The following CSMD2 variants were observed in gnomAD, a reference collection of about 807,000 sequenced individuals.
The protein encoded by CSMD2 is CUB and sushi domain-containing protein 2.
A neutral mutation model predicts 398.5 loss-of-function variants in CSMD2; 130 were observed. That is an observed-to-expected ratio of 0.33 (90% CI 0.28 to 0.38). CSMD2 has a LOEUF of 0.38. Among genes scored for constraint, CSMD2 ranks in the 10% least tolerant of loss-of-function variants. The pLI is 1.00. For missense variants in CSMD2, 3,829 were observed against 4,764.9 expected, an observed-to-expected ratio of 0.80 and a Z score of 5.78; for synonymous variants, 1,828 against 1,908.5, an observed-to-expected ratio of 0.96 and a Z score of 1.10.
Position 33,527,222 on chromosome 1 carries a change from C to A in CSMD2, c.10208G>T (p.Arg3403Leu), listed in dbSNP as rs370729424. ...RPSGRPINTA[R>L]EPPLTQALIP... ...CAAGGCTTGGGTGAGCGGTGGCTCCCGGGCAGTGTTGATGGGTCTCCCACT... is the reference window on the plus strand; with the variant it reads ...CAAGGCTTGGGTGAGCGGTGGCTCCAGGGCAGTGTTGATGGGTCTCCCACT... Residue 3403 changes from arginine to leucine, a missense_variant, in exon 65 of 71, where the codon CGG (arginine) becomes CTG (leucine). Coordinates refer to ENST00000373381, the MANE Select transcript of CSMD2 (RefSeq NM_001281956.2). 2.5e-5 allele frequency: 40 copies of A among 1,613,940 alleles called. No individual in the cohort carries two copies. The highest frequency in any genetic ancestry group is 3.3e-5 in the Non-Finnish European group (39 of 1,179,990).
intron 3 of CSMD2, among the ~76,000 whole-genome samples, chr1:34,022,400 T>C (rs913934364): frequency 7.9e-5 from 12 of 152,220 alleles, no homozygotes; most frequent in African/African-American, 2.7e-4. Context: ...CTGGACGAGT[T>C]GGGAGTCAAG....
chr1:33,586,466 C>T (rs777107525), intron 46 of CSMD2, 38 bp downstream of exon 46: 1 of 1,374,450 alleles, frequency 7.3e-7, no homozygotes, highest in Admixed American at 1.7e-5. Flanking sequence ...TCAGGAGGAA[C>T]TTCTAGGCCC....
chr1:34,159,059 C>T (rs746707110), intron 1 of CSMD2, among the ~76,000 whole-genome samples: 2 of 152,178 alleles, frequency 1.3e-5, no homozygotes, highest in Non-Finnish European at 2.9e-5. Context: ...GAGCCCTGGG[C>T]TCCAAACAAC....
rs551982548 is a variant in CSMD2 at position 34,044,230 on chromosome 1, T to C, written c.405-11524A>G. Reference sequence around the variant, plus strand: ...CAAAACTAGGTTATTTTTCAAAGCATGTTTCTAGAATGTTCACCGGTTAAA... The same window carrying C: ...CAAAACTAGGTTATTTTTCAAAGCACGTTTCTAGAATGTTCACCGGTTAAA... On this transcript the variant is annotated intron_variant, in intron 2 of 70. Coordinates refer to ENST00000373381, the MANE Select transcript of CSMD2 (RefSeq NM_001281956.2). Among the ~76,000 whole-genome samples, 12 of 152,332 alleles carry C rather than the reference T, an allele frequency of 7.9e-5. No individual in the cohort carries two copies. The East Asian group carries it at 2.3e-3, about 29-fold the overall frequency.
At chr1:33,711,998 C>A (rs1483972136) in intron 21 of CSMD2, among the ~76,000 whole-genome samples, 1 of 152,178 alleles carries the variant, frequency 6.6e-6, no homozygotes, top group Admixed American at 6.5e-5. Flanking sequence ...AACAGATGAA[C>A]TTAGAAGCCA....
At chr1:33,984,888 A>AGGC (rs1558201880) in intron 3 of CSMD2, among the ~76,000 whole-genome samples, 1 of 150,418 alleles carries the variant, frequency 6.6e-6, no homozygotes, top group African/African-American at 2.5e-5. Flanking sequence ...GGCAGGCAGG[A>AGGC]AGGAAGGAAG....
chr1:33,996,252 C>T (rs1393546428), intron 3 of CSMD2, among the ~76,000 whole-genome samples: 1 of 152,168 alleles, frequency 6.6e-6, no homozygotes, highest in African/African-American at 2.4e-5. Flanking sequence ...TTCCTTCTGC[C>T]CCAATCCTGG....
chr1:33,541,205 T>C lies in CSMD2; in HGVS notation c.9382A>G (p.Met3128Val). ...AGCACAGATACTCTATGTGACTCCA[T>C]CATATAGCCAGGGACACACTGATAT... ...VTYQCVPGYM[M>V]ESHRVSVLSC... The change falls in exon 59 of 71, where the codon ATG becomes GTG. Residue 3128 changes from methionine to valine, a missense_variant. Around this residue, in one of 5 missense-constraint regions of CSMD2, gnomAD observed 917 missense variants for 1,199.5 expected, o/e 0.76. Coordinates refer to ENST00000373381, the MANE Select transcript of CSMD2 (RefSeq NM_001281956.2). The C allele has an allele frequency of 6.2e-7, 1 of 1,614,112 alleles. No homozygotes were observed. Among genetic ancestry groups the C allele is most frequent in the South Asian group, 1.1e-5 (1 of 91,078 alleles).
chr1:33,704,005 A>C (rs1431013123), intron 22 of CSMD2, among the ~76,000 whole-genome samples: 1 of 152,164 alleles, frequency 6.6e-6, no homozygotes, highest in Non-Finnish European at 1.5e-5. Context: ...CCCTCTGTGC[A>C]TCCATGAGAA....
intron 3 of CSMD2, among the ~76,000 whole-genome samples, chr1:33,982,942 C>T (rs912933813): frequency 6.6e-6 from 1 of 152,054 alleles, no homozygotes; most frequent in Non-Finnish European, 1.5e-5. Context: ...GGGCTAGGAG[C>T]CCAAGAAGGA....
At chr1:33,984,551 G>A (rs1646283750) in intron 3 of CSMD2, among the ~76,000 whole-genome samples, 1 of 152,118 alleles carries the variant, frequency 6.6e-6, no homozygotes, top group South Asian at 2.1e-4. Flanking sequence ...TGCGCTTTGG[G>A]AGGTGGAGGA....
At chr1:33,664,184 A>T (rs532377) in intron 25 of CSMD2, among the ~76,000 whole-genome samples, 135,157 of 152,244 alleles carry the variant, frequency 0.89, 60,290 homozygotes, top group Admixed American at 0.92. Context: ...TCTTTCACAC[A>T]GCCAACCTGT....
rs755430034 is a variant in CSMD2, at chr1:33,657,979, A to T, written c.4414T>A (p.Phe1472Ile). ...GTTGGCGGGCTGGGCTGCCAGAAGA[A>T]CCTGTTCTCGATCTTCACACAGCTG... ...EISCVKIENRFFWQPSPPTCI... is the reference protein window; with the variant it reads ...EISCVKIENRIFWQPSPPTCI... Residue 1472 changes from phenylalanine to isoleucine, a missense_variant, in exon 27 of 71, where the codon TTC becomes ATC. Phe to Ile is a conservative substitution (Grantham distance 21). Around this residue, in one of 5 missense-constraint regions of CSMD2, gnomAD observed 2,001 missense variants for 2,567.1 expected, o/e 0.78. Transcript: ENST00000373381. The T allele has an allele frequency of 1.9e-6, 3 of 1,613,874 alleles. No individual in the cohort carries two copies. The South Asian group carries it at 3.3e-5, about 18-fold the overall frequency.
intron 10 of CSMD2, among the ~76,000 whole-genome samples, chr1:33,806,054 A>G (rs1048397464): frequency 6.6e-6 from 1 of 152,120 alleles, no homozygotes; most frequent in African/African-American, 2.4e-5. Context: ...CTTTTCAGCA[A>G]CTCATAGAAA....
intron 2 of CSMD2, among the ~76,000 whole-genome samples, chr1:34,043,684 A>G (rs1435768773): frequency 6.6e-6 from 1 of 152,180 alleles, no homozygotes; most frequent in East Asian, 1.9e-4. Context: ...TACAAGTATA[A>G]TCCCTGTCTG....
intron 2 of CSMD2, among the ~76,000 whole-genome samples, chr1:34,042,816 C>A (rs1558291896): frequency 6.6e-6 from 1 of 152,140 alleles, no homozygotes; most frequent in Non-Finnish European, 1.5e-5. Context: ...GAGAAGGAGT[C>A]TCGCTCTGTG....
At position 33,615,702 on chromosome 1, in the gene CSMD2, T is replaced by C. The variant is rs1641340335; in HGVS notation, c.6017-1082A>G. 2.6e-5 allele frequency among the ~76,000 whole-genome samples: 4 copies of C among 152,242 alleles called. No individual in the cohort carries two copies. In the South Asian group the frequency reaches 8.3e-4, roughly 32 times the overall value. On this transcript the variant is annotated intron_variant, in intron 39 of 70. Transcript: ENST00000373381. ...CTAATGAACAGCAGCTGCCGTTAAA[T>C]GAATGGTTTCCATAGCAAGGTCTTT...
In CSMD2 at chr1:34,146,811, G is replaced by C. The variant is rs572251040; in HGVS notation, c.187+18100C>G. On this transcript the variant is annotated intron_variant, in intron 1 of 70. Transcript: ENST00000373381. ...GAGTAAAGTTTCTGGGGGTGGGAGAGAGTCATATAGGTGACAGCAGGAATG... is the reference window on the plus strand; with the variant it reads ...GAGTAAAGTTTCTGGGGGTGGGAGACAGTCATATAGGTGACAGCAGGAATG... Among the ~76,000 whole-genome samples the C allele has an allele frequency of 7.9e-5, 12 of 152,218 alleles. No homozygotes were observed. The East Asian group carries it at 2.1e-3, about 27-fold the overall frequency.
chr1:33,560,452 C>T (rs529751075), intron 53 of CSMD2, among the ~76,000 whole-genome samples: 56 of 152,360 alleles, frequency 3.7e-4, no homozygotes, highest in African/African-American at 1.3e-3. Flanking sequence ...ATAGCTCACT[C>T]TATTTGGCTG....
Sources: allele counts gnomAD v4.1 joint callset (sites outside exome capture counted in the v4.1 genomes callset), GRCh38; gene constraint gnomAD v4.1.1; regional missense constraint gnomAD v4.1.1; transcripts MANE v1.5; gene names NCBI Gene and HGNC (gene_info 2026-07-23, HGNC 2026-07-21).